PCED1B: variants seen among roughly 807,000 people sequenced by gnomAD.
PCED1B encodes the protein PC-esterase domain containing 1B.
For synonymous variants in PCED1B, 251 were observed against 246.1 expected (o/e 1.02, Z -0.19); for missense variants, 573 against 573.9 (o/e 1.00, Z 0.02).
intron 1 of PCED1B, among the ~76,000 whole-genome samples, chr12:47,083,964 A>G (rs1937861994): frequency 6.6e-6 from 1 of 152,208 alleles, no homozygotes; most frequent in Non-Finnish European, 1.5e-5. Flanking sequence ...AAAATTCACC[A>G]TTGTAACAAT....
intron 2 of PCED1B, among the ~76,000 whole-genome samples, chr12:47,197,113 C>T (rs145242567): frequency 0.038 from 5,600 of 148,674 alleles, 145 homozygotes; most frequent in Non-Finnish European, 0.057. Context: ...GTGGCGGGCA[C>T]CTGTAATCCC....
chr12:47,166,182 G>A (rs1164160175), intron 2 of PCED1B, among the ~76,000 whole-genome samples: 1 of 152,192 alleles, frequency 6.6e-6, no homozygotes, highest in East Asian at 1.9e-4. Context: ...CTGTGGGAGG[G>A]TAAGAGCTTA....
intron 2 of PCED1B, among the ~76,000 whole-genome samples, chr12:47,167,850 A>T (rs1941595142): frequency 6.6e-6 from 1 of 151,964 alleles, no homozygotes. Context: ...CCAGAGTAAA[A>T]CTCTCGAGCA....
rs1179758390 is a variant in PCED1B, at chr12:47,236,098, C to T, written c.1035C>T (p.Asp345=). 2.5e-6 allele frequency: 4 copies of T among 1,614,018 alleles called. No homozygotes were observed. The African/African-American group carries it at 4.0e-5, about 16-fold the overall frequency. ...QGPPDACFSS[D]HTFQSDQFYC... ...CCCCAGATGCCTGTTTTTCCTCAGA[C>T]CATACTTTCCAGTCGGATCAATTCT... Residue 345 remains aspartate (D), a synonymous_variant, in exon 4 of 4, where the codon GAC becomes GAT. Coordinates refer to ENST00000546455, the MANE Select transcript of PCED1B (RefSeq NM_138371.3).
At chr12:47,147,799 C>T (rs1940847286) in intron 2 of PCED1B, among the ~76,000 whole-genome samples, 1 of 152,158 alleles carries the variant, frequency 6.6e-6, no homozygotes, top group South Asian at 2.1e-4. Flanking sequence ...CAGAATTGCC[C>T]TTAATGCTTT....
intron 2 of PCED1B, among the ~76,000 whole-genome samples, chr12:47,129,637 G>A (rs1940040647): frequency 6.6e-6 from 1 of 152,046 alleles, no homozygotes; most frequent in African/African-American, 2.4e-5. Flanking sequence ...ATGCCCCCTT[G>A]GGTGGGATTC....
At chr12:47,153,303 T>C (rs1941068419) in intron 2 of PCED1B, among the ~76,000 whole-genome samples, 1 of 143,132 alleles carries the variant, frequency 7.0e-6, no homozygotes, top group Non-Finnish European at 1.5e-5. Context: ...TGAGCAGAGA[T>C]TGCACCACTG....
chr12:47,118,902 T>C (rs1416690287), intron 2 of PCED1B, among the ~76,000 whole-genome samples: 3 of 152,218 alleles, frequency 2.0e-5, no homozygotes, highest in African/African-American at 7.2e-5. Flanking sequence ...GAAGAGGTCC[T>C]TCACATCCCT....
intron 2 of PCED1B, among the ~76,000 whole-genome samples, chr12:47,214,646 CA>C (rs568624208): frequency 0.012 from 1,756 of 148,342 alleles, 17 homozygotes; most frequent in Non-Finnish European, 0.02. Flanking sequence ...AATCTCAATT[CA>C]AAAAAAAAGA....
At chr12:47,202,090 A>C (rs142179150) in intron 2 of PCED1B, among the ~76,000 whole-genome samples, 61 of 152,344 alleles carry the variant, frequency 4.0e-4, no homozygotes, top group African/African-American at 1.4e-3. Context: ...AAGCACCACA[A>C]ATAAAATATA....
At chr12:47,217,543 G>GAAAAGGAAA (rs1565608295) in intron 3 of PCED1B, among the ~76,000 whole-genome samples, 7 of 150,716 alleles carry the variant, frequency 4.6e-5, no homozygotes, top group African/African-American at 1.5e-4. Flanking sequence ...GAAAAGAAAA[G>GAAAAGGAAA]GAAAGAAAGA....
intron 2 of PCED1B, among the ~76,000 whole-genome samples, chr12:47,207,774 C>T (rs1019317400): frequency 6.6e-6 from 1 of 152,190 alleles, no homozygotes; most frequent in Non-Finnish European, 1.5e-5. Flanking sequence ...ATCTATTATT[C>T]TTAAGATACC....
chr12:47,224,678 A>C (rs1031261741), intron 3 of PCED1B, among the ~76,000 whole-genome samples: 3 of 152,216 alleles, frequency 2.0e-5, no homozygotes, highest in Middle Eastern at 3.2e-3. Context: ...TAACCAACTT[A>C]GAAATACAGG....
At chr12:47,096,056 C>T (rs566935378) in intron 1 of PCED1B, among the ~76,000 whole-genome samples, 1 of 152,112 alleles carries the variant, frequency 6.6e-6, no homozygotes, top group East Asian at 1.9e-4. Context: ...TGTTTCTGAA[C>T]CAAGTTTTAT....
At chr12:47,156,830 C>A (rs1423758309) in intron 2 of PCED1B, among the ~76,000 whole-genome samples, 1 of 152,070 alleles carries the variant, frequency 6.6e-6, no homozygotes. Context: ...GAGTTTGAAG[C>A]TCTCCTTCGT....
intron 2 of PCED1B, among the ~76,000 whole-genome samples, chr12:47,212,619 CAT>C (rs1943128922): frequency 6.6e-6 from 1 of 152,188 alleles, no homozygotes; most frequent in Non-Finnish European, 1.5e-5. Flanking sequence ...GTGATGGTGT[CAT>C]ACCAGCCCAT....
intron 2 of PCED1B, among the ~76,000 whole-genome samples, chr12:47,173,154 G>A (rs1280826470): frequency 6.6e-6 from 1 of 152,190 alleles, no homozygotes; most frequent in African/African-American, 2.4e-5. Context: ...ACTATGGCGG[G>A]TAGTAGAAGG....
chr12:47,191,180 T>G (rs1046338154), intron 2 of PCED1B, among the ~76,000 whole-genome samples: 1 of 152,182 alleles, frequency 6.6e-6, no homozygotes, highest in Non-Finnish European at 1.5e-5. Flanking sequence ...TGACATCACC[T>G]TCCCAACAGA....
chr12:47,114,806 G>A (rs1434835375), intron 2 of PCED1B, among the ~76,000 whole-genome samples: 4 of 152,106 alleles, frequency 2.6e-5, no homozygotes, highest in East Asian at 3.9e-4. Flanking sequence ...GCTTTCCATC[G>A]TGATCATCTT....
Sources: gnomAD v4.1 joint callset for allele counts (sites outside exome capture counted in the v4.1 genomes callset) on GRCh38, gnomAD v4.1.1 for gene constraint, MANE v1.5 for transcripts, NCBI Gene and HGNC (gene_info 2026-07-23, HGNC 2026-07-21) for gene names.